FICD: variants seen among roughly 807,000 people sequenced by gnomAD.
The protein encoded by FICD is FIC domain protein adenylyltransferase.
In FICD, 13 loss-of-function variants were observed where a neutral mutation model predicts 28.0. The ratio of observed to expected loss-of-function variants is 0.46; its 90% CI spans 0.30 to 0.74. FICD has a LOEUF of 0.74. Among genes scored for constraint, FICD ranks in the 30% least tolerant of loss-of-function variants. The pLI is 0.07. For missense variants in FICD, 576 were observed against 624.5 expected (o/e 0.92, Z 0.83); for synonymous variants, 268 against 266.4 (o/e 1.01, Z -0.06).
In FICD at chr12:108,519,373, C is replaced by A. The variant is rs1172215228; in HGVS notation, c.1275C>A (p.Thr425=). Residue 425 remains threonine, a synonymous_variant, in exon 3 of 3, where the codon ACC becomes ACA. Coordinates refer to ENST00000552695, the MANE Select transcript of FICD (RefSeq NM_007076.3). This position sits in a 1 kb window ranked among gnomAD's most constrained non-coding sequence, Gnocchi z 4.5. ...TCATCGCCAAGTGTACTGAGACCAC[C>A]CTGGACACCCTGCTTTTTGCCACAA... ...IRFIAKCTET[T]LDTLLFATTE... 1 of 1,614,100 alleles carries A rather than the reference C, an allele frequency of 6.2e-7. No homozygotes were observed. Among genetic ancestry groups the A allele is most frequent in the Non-Finnish European group, 8.5e-7 (1 of 1,180,014 alleles).
At position 108,518,971 on chromosome 12, in the gene FICD, G is replaced by A; in HGVS notation, c.873G>A (p.Leu291=). The change falls in exon 3 of 3, where the codon CTG becomes CTA. Residue 291 remains leucine (L), a synonymous_variant. Transcript: ENST00000552695. This position sits in a 1 kb window ranked among gnomAD's most constrained non-coding sequence, Gnocchi z 4.4. ...RIGSVTISDV[L]EIHRRVLGYV... ...GCTCCGTCACCATCAGCGACGTGCT[G>A]GAGATCCACAGGCGGGTGCTGGGCT... 6.2e-7 allele frequency: 1 copy of A among 1,614,214 alleles called. No homozygotes were observed. The highest frequency in any genetic ancestry group is 8.5e-7 in the Non-Finnish European group (1 of 1,180,048).
chr12:108,516,811 C>A, intron 1 of FICD, 104 bp from the exon 2 acceptor site: 1 of 512,664 alleles, frequency 2.0e-6, no homozygotes, highest in Non-Finnish European at 3.2e-6. Flanking sequence ...CCCCATCTCT[C>A]TAGTGAGCTA....
chr12:108,519,624 G>A lies in FICD; in HGVS notation c.*149G>A. On this transcript the variant is annotated 3_prime_UTR_variant, in exon 3 of 3. Coordinates refer to ENST00000552695, the MANE Select transcript of FICD (RefSeq NM_007076.3). This position sits in a 1 kb window ranked among gnomAD's most constrained non-coding sequence, Gnocchi z 4.5. ...AGTTTTAAAAAAAAAAAAAAACTAAGTTATGAAGCCTTGTCTCTAAAATAA... is the reference window on the plus strand; with the variant it reads ...AGTTTTAAAAAAAAAAAAAAACTAAATTATGAAGCCTTGTCTCTAAAATAA... 1.7e-6 allele frequency: 1 copy of A among 573,440 alleles called. No individual in the cohort carries two copies. Among genetic ancestry groups the A allele is most frequent in the Non-Finnish European group, 3.0e-6 (1 of 332,672 alleles). The allele number at this position is 573,440 out of a possible 1,614,324, so 35.5% of individuals were successfully genotyped here.
At position 108,519,255 on chromosome 12, in the gene FICD, A is replaced by C. The variant is rs1225117801; in HGVS notation, c.1157A>C (p.Tyr386Ser). 1.2e-6 allele frequency: 2 copies of C among 1,614,182 alleles called. No homozygotes were observed. Among genetic ancestry groups the C allele is most frequent in the Admixed American group, 1.7e-5 (1 of 60,028 alleles). ...AACCTCATCCTCATGCAGGCGGGCT[A>C]CCCGCCCATCACCATCCGCAAGGAG... ...LMNLILMQAGYPPITIRKEQR... is the reference protein window; with the variant it reads ...LMNLILMQAGSPPITIRKEQR... The change falls in exon 3 of 3, where the codon TAC becomes TCC. Residue 386 changes from tyrosine (Y) to serine (S), a missense_variant. Coordinates refer to ENST00000552695, the MANE Select transcript of FICD (RefSeq NM_007076.3). The surrounding 1 kb of genome is among the most constrained non-coding windows in gnomAD (Gnocchi z 4.5).
chr12:108,519,118 C>T lies in FICD; in HGVS notation c.1020C>T (p.Ser340=), dbSNP rs766646883. ...AGGAGTTTGTACAGTGGCTCAACTC[C>T]GAGGAAGCCATGAACCTGCACCCAG... ...QMQEFVQWLN[S]EEAMNLHPVE... Residue 340 remains serine, a synonymous_variant, in exon 3 of 3, where the codon TCC becomes TCT. Coordinates refer to ENST00000552695, the MANE Select transcript of FICD (RefSeq NM_007076.3). This position sits in a 1 kb window ranked among gnomAD's most constrained non-coding sequence, Gnocchi z 4.5. 15 of 1,614,064 alleles carry T rather than the reference C, an allele frequency of 9.3e-6. No individual in the cohort carries two copies. The East Asian group carries it at 2.0e-4, about 22-fold the overall frequency.
In FICD at chr12:108,518,191, A is replaced by C. The variant is rs768886028; in HGVS notation, c.302-209A>C. 1.3e-5 allele frequency: 9 copies of C among 703,148 alleles called. No individual in the cohort carries two copies. The highest frequency in any genetic ancestry group is 2.3e-5 in the Non-Finnish European group (9 of 385,378). 43.6% of individuals were successfully genotyped at this position (703,148 alleles called of 1,614,324 possible). On this transcript the variant is annotated intron_variant, in intron 2 of 2. Transcript: ENST00000552695. This position sits in a 1 kb window ranked among gnomAD's most constrained non-coding sequence, Gnocchi z 4.4. ...AGAGTGGCTCTGGGGACACACGGAT[A>C]GTGACTGCATACCACCACACGGCTG...
At chr12:108,517,801 C>G (rs1198112973) in intron 2 of FICD, among the ~76,000 whole-genome samples, 2 of 152,106 alleles carry the variant, frequency 1.3e-5, no homozygotes, top group Non-Finnish European at 2.9e-5. Context: ...CCATGAGATG[C>G]CTGTAGCACT....
chr12:108,517,264 G>T lies in FICD; in HGVS notation c.292G>T (p.Ala98Ser), dbSNP rs762684803. Reference protein sequence around the residue: ...GATLLVAKTKASPAGKLEARA... With the variant: ...GATLLVAKTKSSPAGKLEARA... ...GACGCTGCTGGTGGCCAAGACCAAG[G>T]CCTCTCCAGGTAAGACAGACTGGCC... Residue 98 changes from alanine (A) to serine (S), a missense_variant, in exon 2 of 3, where the codon GCC becomes TCC. Coordinates refer to ENST00000552695, the MANE Select transcript of FICD (RefSeq NM_007076.3). 1.3e-6 allele frequency: 2 copies of T among 1,529,876 alleles called. No homozygotes were observed. Among genetic ancestry groups the T allele is most frequent in the Non-Finnish European group, 1.8e-6 (2 of 1,139,118 alleles). The allele number at this position is 1,529,876 out of a possible 1,614,324, so 94.8% of individuals were successfully genotyped here.
chr12:108,520,343 TCTGC>T lies in FICD; in HGVS notation c.*872_*875del, dbSNP rs1414607662. ...GCTAGTAGGCATCTGCCCTCACCCCTCTGCCTGAGTTTTCTGTAGGCAGATGTTA... is the reference window on the plus strand; with the variant it reads ...GCTAGTAGGCATCTGCCCTCACCCCTCTGAGTTTTCTGTAGGCAGATGTTA... On this transcript the variant is annotated 3_prime_UTR_variant, in exon 3 of 3. Coordinates refer to ENST00000552695, the MANE Select transcript of FICD (RefSeq NM_007076.3). 6.6e-6 allele frequency: 1 copy of T among 152,170 alleles called. No homozygotes were observed. The highest frequency in any genetic ancestry group is 2.4e-5 in the African/African-American group (1 of 41,438). The allele number at this position is 152,170 out of a possible 1,614,324, so 9.4% of individuals were successfully genotyped here.
Position 108,518,819 on chromosome 12 carries a change from TCG to T in FICD, c.722_723del (p.Ser241Ter). On this transcript the variant is annotated frameshift_variant, in exon 3 of 3. Transcript: ENST00000552695. LOFTEE classifies it high-confidence loss of function. This position sits in a 1 kb window ranked among gnomAD's most constrained non-coding sequence, Gnocchi z 4.4. ...VAIEGNTLTL[S>X]EIRHILETRY... is the part of the protein sequence containing the mutation. ...CATCGAGGGCAACACCCTCACCCTC[TCG>T]GAAATCAGGCACATCCTGGAGACCC... is the stretch of plus-strand genomic sequence containing the variant. The T allele has an allele frequency of 6.2e-7, 1 of 1,613,838 alleles. No homozygotes were observed. Among genetic ancestry groups the T allele is most frequent in the Non-Finnish European group, 8.5e-7 (1 of 1,179,972 alleles).
Position 108,518,650 on chromosome 12 carries a change from G to C in FICD, c.552G>C (p.Leu184=). The part of the protein sequence containing the change: ...EKALVNRDRT[L]PLVEEIDQRY... ...CACTGGTCAACCGCGATCGGACACT[G>C]CCTCTTGTGGAAGAGATCGACCAGA... The change falls in exon 3 of 3, where the codon CTG becomes CTC. Residue 184 remains leucine, a synonymous_variant. Transcript: ENST00000552695. This position sits in a 1 kb window ranked among gnomAD's most constrained non-coding sequence, Gnocchi z 4.4. The C allele has an allele frequency of 6.2e-7, 1 of 1,614,228 alleles. No individual in the cohort carries two copies. Among genetic ancestry groups the C allele is most frequent in the Non-Finnish European group, 8.5e-7 (1 of 1,180,032 alleles).
At chr12:108,516,210 CTCA>C (rs758815019) in intron 1 of FICD, among the ~76,000 whole-genome samples, 1 of 152,240 alleles carries the variant, frequency 6.6e-6, no homozygotes, top group Non-Finnish European at 1.5e-5. Context: ...GCTCGAACTG[CTCA>C]TCTTCTTGAT....
rs1872069883 is a variant in FICD at position 108,520,330 on chromosome 12, C to T, written c.*855C>T. ...AACCAGGTGTTATGCTAGTAGGCAT[C>T]TGCCCTCACCCCTCTGCCTGAGTTT... On this transcript the variant is annotated 3_prime_UTR_variant, in exon 3 of 3. Transcript: ENST00000552695. The T allele has an allele frequency of 6.6e-6, 1 of 152,144 alleles. No homozygotes were observed. Among genetic ancestry groups the T allele is most frequent in the Admixed American group, 6.5e-5 (1 of 15,270 alleles). The allele number at this position is 152,144 out of a possible 1,614,324, so 9.4% of individuals were successfully genotyped here. A position where few individuals can be genotyped will look rare whatever the true frequency, so the allele number is the denominator to read the frequency against.
chr12:108,519,003 A>G lies in FICD; in HGVS notation c.905A>G (p.Asp302Gly). 6.2e-7 allele frequency: 1 copy of G among 1,614,004 alleles called. No homozygotes were observed. Among genetic ancestry groups the G allele is most frequent in the South Asian group, 1.1e-5 (1 of 91,058 alleles). ...CACAGGCGGGTGCTGGGCTACGTGG[A>G]CCCCGTGGAAGCCGGCAGGTTTCGG... ...EIHRRVLGYVDPVEAGRFRTT... is the reference protein window; with the variant it reads ...EIHRRVLGYVGPVEAGRFRTT... The change falls in exon 3 of 3, where the codon GAC becomes GGC. Residue 302 changes from aspartate to glycine, a missense_variant. By Grantham distance (94) the Asp-to-Gly change is moderately conservative. Transcript: ENST00000552695. This position sits in a 1 kb window ranked among gnomAD's most constrained non-coding sequence, Gnocchi z 4.5.
At chr12:108,516,533 G>A (rs1469115634) in intron 1 of FICD, among the ~76,000 whole-genome samples, 2 of 152,176 alleles carry the variant, frequency 1.3e-5, no homozygotes, top group Non-Finnish European at 2.9e-5. Context: ...ACTTGCTCCC[G>A]GCGAGACTTT....
chr12:108,520,947 A>G lies in FICD; in HGVS notation c.*1472A>G, dbSNP rs1872097303. The G allele has an allele frequency of 6.6e-6, 1 of 152,240 alleles. No individual in the cohort carries two copies. Among genetic ancestry groups the G allele is most frequent in the African/African-American group, 2.4e-5 (1 of 41,472 alleles). The allele number at this position is 152,240 out of a possible 1,614,324, so 9.4% of individuals were successfully genotyped here. On this transcript the variant is annotated 3_prime_UTR_variant, in exon 3 of 3. Coordinates refer to ENST00000552695, the MANE Select transcript of FICD (RefSeq NM_007076.3). ...CAGAGTAGTTTTTGAAAGGTTAAGA[A>G]AAATAAGTGAAAAGACATACACGAT...
At chr12:108,516,661 C>T (rs2136651802) in intron 1 of FICD, among the ~76,000 whole-genome samples, 1 of 152,346 alleles carries the variant, frequency 6.6e-6, no homozygotes, top group Middle Eastern at 3.4e-3. Context: ...TGGTGCTTAG[C>T]ACACGGCCTG....
At position 108,519,318 on chromosome 12, in the gene FICD, A is replaced by G. The variant is rs775892935; in HGVS notation, c.1220A>G (p.Asn407Ser). 1 of 1,614,228 alleles carries G rather than the reference A, an allele frequency of 6.2e-7. No individual in the cohort carries two copies. The highest frequency in any genetic ancestry group is 1.1e-5 in the South Asian group (1 of 91,090). ...TACTACCACGTGTTGGAAGCTGCCAACGAGGGCGACGTGAGGCCTTTCATT... is the reference window on the plus strand; with the variant it reads ...TACTACCACGTGTTGGAAGCTGCCAGCGAGGGCGACGTGAGGCCTTTCATT... ...SDYYHVLEAA[N>S]EGDVRPFIRF... is the part of the protein sequence containing the mutation. Residue 407 changes from asparagine (N) to serine (S), a missense_variant, in exon 3 of 3, where the codon AAC (asparagine) becomes AGC (serine). By Grantham distance (46) the Asn-to-Ser change is conservative (BLOSUM62 1). Transcript: ENST00000552695. The surrounding 1 kb of genome is among the most constrained non-coding windows in gnomAD (Gnocchi z 4.5).
In FICD at chr12:108,518,839, G is replaced by A. The variant is rs772602329; in HGVS notation, c.741G>A (p.Leu247=). 3.1e-6 allele frequency: 5 copies of A among 1,614,168 alleles called. No individual in the cohort carries two copies. The highest frequency in any genetic ancestry group is 4.2e-6 in the Non-Finnish European group (5 of 1,180,038). The stretch of plus-strand genomic sequence containing the variant: ...CCCTCTCGGAAATCAGGCACATCCT[G>A]GAGACCCGCTACGCCGTGCCCGGGA... ...TLTLSEIRHI[L]ETRYAVPGKS... Residue 247 remains leucine, a synonymous_variant, in exon 3 of 3, where the codon CTG becomes CTA. Coordinates refer to ENST00000552695, the MANE Select transcript of FICD (RefSeq NM_007076.3). This position sits in a 1 kb window ranked among gnomAD's most constrained non-coding sequence, Gnocchi z 4.4.
Sources: gnomAD v4.1 joint callset for allele counts (sites outside exome capture counted in the v4.1 genomes callset) on GRCh38, gnomAD v4.1.1 for gene constraint, Gnocchi (gnomAD v3.1) non-coding constraint, MANE v1.5 for transcripts, NCBI Gene and HGNC (gene_info 2026-07-23, HGNC 2026-07-21) for gene names.